Variants in CCDC91 observed in about 807,000 individuals in gnomAD.
CCDC91 encodes the protein coiled-coil domain containing 91.
CCDC91 carries 48 observed loss-of-function variants against 63.2 expected under a neutral mutation model. The observed-to-expected ratio is 0.76, with a 90% confidence interval of 0.60 to 0.97. The LOEUF (loss-of-function observed/expected upper bound fraction) is 0.97. Among genes scored for constraint, CCDC91 ranks in the 50% least tolerant of loss-of-function variants. The pLI, the probability that CCDC91 is intolerant of heterozygous loss-of-function variation, is 0.00. For synonymous variants in CCDC91, 167 were observed against 165.8 expected, an observed-to-expected ratio of 1.01 and a Z score of -0.06; for missense variants, 500 against 494.6, an observed-to-expected ratio of 1.01 and a Z score of -0.10.
At chr12:28,455,524 C>A (rs1950016379) in intron 11 of CCDC91, among the ~76,000 whole-genome samples, 1 of 151,956 alleles carries the variant, frequency 6.6e-6, no homozygotes, top group Admixed American at 6.6e-5. Context: ...TAGGGAAAAT[C>A]CCTCAAATAA....
intron 12 of CCDC91, among the ~76,000 whole-genome samples, chr12:28,514,103 C>T (rs576069057): frequency 3.4e-4 from 51 of 152,100 alleles, no homozygotes; most frequent in Non-Finnish European, 6.5e-4. Context: ...TCCCTTTTCT[C>T]CTCAACCTTG....
chr12:28,423,197 G>A (rs1948113510), intron 8 of CCDC91, among the ~76,000 whole-genome samples: 1 of 151,996 alleles, frequency 6.6e-6, no homozygotes. Context: ...AATGCTCTAA[G>A]TACCCTAGAC....
chr12:28,216,984 C>G (rs967351920), intron 1 of CCDC91, among the ~76,000 whole-genome samples: 2 of 152,058 alleles, frequency 1.3e-5, no homozygotes, highest in Non-Finnish European at 2.9e-5. Flanking sequence ...TGTGTATGAA[C>G]TAGTATATGG....
At chr12:28,491,448 A>G (rs1428314222) in intron 12 of CCDC91, among the ~76,000 whole-genome samples, 1 of 151,772 alleles carries the variant, frequency 6.6e-6, no homozygotes, top group African/African-American at 2.4e-5. Context: ...AATAGCTTCA[A>G]GCAATAATAG....
chr12:28,468,895 T>C (rs1950671321), intron 11 of CCDC91, among the ~76,000 whole-genome samples: 1 of 152,066 alleles, frequency 6.6e-6, no homozygotes, highest in Non-Finnish European at 1.5e-5. Context: ...CATTTCTTCA[T>C]GATAAAAACC....
At chr12:28,207,792 T>C (rs1942961294) in intron 1 of CCDC91, among the ~76,000 whole-genome samples, 2 of 152,192 alleles carry the variant, frequency 1.3e-5, no homozygotes. Context: ...AATAAAAGGT[T>C]TAAGGACTCA....
chr12:28,295,957 A>T (rs1288387751), intron 3 of CCDC91, among the ~76,000 whole-genome samples: 5 of 151,994 alleles, frequency 3.3e-5, no homozygotes, highest in African/African-American at 1.2e-4. Flanking sequence ...AAATTTGGAT[A>T]AAAAGATACT....
intron 12 of CCDC91, among the ~76,000 whole-genome samples, chr12:28,515,215 G>C: frequency 6.6e-6 from 1 of 151,634 alleles, no homozygotes; most frequent in East Asian, 2.0e-4. Flanking sequence ...ATTTCTTATG[G>C]GGGACTTCGG....
At chr12:28,442,401 T>G (rs1949273130) in intron 8 of CCDC91, among the ~76,000 whole-genome samples, 1 of 152,124 alleles carries the variant, frequency 6.6e-6, no homozygotes, top group Non-Finnish European at 1.5e-5. Flanking sequence ...TTGCCAAGGA[T>G]TCTTTGAAGA....
At chr12:28,391,536 T>A in intron 8 of CCDC91, 125 bp downstream of exon 8, 3 of 529,272 alleles carry the variant, frequency 5.7e-6, no homozygotes, top group South Asian at 3.5e-5. Context: ...AAAATGTGCT[T>A]ATGTAAACTC....
At chr12:28,335,940 G>GTT (rs1384556356) in intron 6 of CCDC91, among the ~76,000 whole-genome samples, 3 of 135,730 alleles carry the variant, frequency 2.2e-5, no homozygotes, top group African/African-American at 8.2e-5. Context: ...AGTTTGGACT[G>GTT]TTTTTTTTTT....
intron 3 of CCDC91, among the ~76,000 whole-genome samples, chr12:28,276,577 G>T (rs1208524123): frequency 2.4e-4 from 36 of 152,058 alleles, no homozygotes; most frequent in Admixed American, 1.8e-3. Flanking sequence ...TGGCTGAGGG[G>T]TAGATTGTAG....
chr12:28,287,245 C>G (rs1049920902), intron 3 of CCDC91, among the ~76,000 whole-genome samples: 1 of 152,112 alleles, frequency 6.6e-6, no homozygotes, highest in Non-Finnish European at 1.5e-5. Flanking sequence ...GCTTTTGTTG[C>G]AATTGCTTTT....
At chr12:28,493,204 T>C (rs1419953428) in intron 12 of CCDC91, among the ~76,000 whole-genome samples, 3 of 151,694 alleles carry the variant, frequency 2.0e-5, no homozygotes. Flanking sequence ...ATTAGATAAC[T>C]ACCCAAAATC....
At chr12:28,396,985 A>G (rs937613005) in intron 8 of CCDC91, among the ~76,000 whole-genome samples, 4 of 152,164 alleles carry the variant, frequency 2.6e-5, no homozygotes, top group Admixed American at 2.0e-4. Context: ...TCCTAAGTAT[A>G]TAGATGGTCA....
chr12:28,368,731 G>C (rs546817672), intron 7 of CCDC91, among the ~76,000 whole-genome samples: 1 of 152,242 alleles, frequency 6.6e-6, no homozygotes, highest in Non-Finnish European at 1.5e-5. Flanking sequence ...AAAGAAAAGA[G>C]GTTTAATTGC....
intron 3 of CCDC91, among the ~76,000 whole-genome samples, chr12:28,298,728 A>T (rs1937691208): frequency 7.5e-6 from 1 of 133,092 alleles, no homozygotes; most frequent in South Asian, 2.3e-4. Context: ...TTGATTTTGT[A>T]AAAAAAAAAC....
intron 8 of CCDC91, among the ~76,000 whole-genome samples, chr12:28,394,711 G>GCTCCCTCTCTCTCTCTCTCTCT (rs1946176047): frequency 7.3e-6 from 1 of 136,948 alleles, no homozygotes; most frequent in Non-Finnish European, 1.6e-5. Context: ...TCTGTTTCTT[G>GCTCCCTCTCTCTCTCTCTCTCT]CTCTCTCTCT....
intron 3 of CCDC91, among the ~76,000 whole-genome samples, chr12:28,303,365 A>G (rs562869170): frequency 6.6e-6 from 1 of 151,782 alleles, no homozygotes; most frequent in Non-Finnish European, 1.5e-5. Context: ...TCTCCCTTTC[A>G]TCTCTTTCTT....
Sources: gnomAD v4.1 joint callset for allele counts (sites outside exome capture counted in the v4.1 genomes callset) on GRCh38, gnomAD v4.1.1 for gene constraint, MANE v1.5 for transcripts, NCBI Gene and HGNC (gene_info 2026-07-23, HGNC 2026-07-21) for gene names.